ANKFN1: variants seen among roughly 807,000 people sequenced by gnomAD.
The protein encoded by ANKFN1 is ankyrin repeat and fibronectin type-III domain-containing protein 1.
In ANKFN1, 74 loss-of-function variants were observed where a neutral mutation model predicts 108.7. The observed-to-expected ratio is 0.68, with a 90% CI of 0.56 to 0.83. The LOEUF (loss-of-function observed/expected upper bound fraction) is 0.83. Among genes scored for constraint, ANKFN1 ranks in the 40% least tolerant of loss-of-function variants. The pLI is 0.00. For missense variants in ANKFN1, 1,505 were observed against 1,382.3 expected, an observed-to-expected ratio of 1.09 and a Z score of -1.41; for synonymous variants, 547 against 516.2, an observed-to-expected ratio of 1.06 and a Z score of -0.81.
chr17:56,208,405 C>T (rs1234063941), intron 1 of ANKFN1, among the ~76,000 whole-genome samples: 2 of 152,156 alleles, frequency 1.3e-5, no homozygotes, highest in Admixed American at 6.5e-5. Flanking sequence ...GGATTTTTAG[C>T]AGGCAGTAAC....
intron 8 of ANKFN1, among the ~76,000 whole-genome samples, chr17:56,394,872 C>T (rs577652235): frequency 5.3e-5 from 8 of 152,264 alleles, no homozygotes; most frequent in Non-Finnish European, 8.8e-5. Flanking sequence ...CAATAGTCCG[C>T]GACTGCTTTC....
intron 8 of ANKFN1, among the ~76,000 whole-genome samples, chr17:56,391,974 A>G (rs1202295893): frequency 6.6e-6 from 1 of 152,206 alleles, no homozygotes; most frequent in East Asian, 1.9e-4. Flanking sequence ...TATTCTAGGC[A>G]GCGGGGATGT....
intron 3 of ANKFN1, among the ~76,000 whole-genome samples, chr17:56,313,462 C>T (rs1481506177): frequency 1.3e-5 from 2 of 152,150 alleles, no homozygotes; most frequent in Admixed American, 1.3e-4. Context: ...GGGGAAGGAA[C>T]AGGTTCTTTT....
At chr17:56,111,870 C>T (rs140274418) in intron 4 of ANKFN1, among the ~76,000 whole-genome samples, 27 of 152,316 alleles carry the variant, frequency 1.8e-4, no homozygotes, top group African/African-American at 4.8e-4. Context: ...GAAATCATAA[C>T]GAGCAGAATG....
Position 56,354,020 on chromosome 17 carries a change from G to C in ANKFN1, c.575G>C (p.Arg192Thr). The stretch of plus-strand genomic sequence containing the variant: ...GTGCCCATTGCAAGGATTCTTCTGA[G>C]GACAGGGGCCCGAGAAAGTCCACAC... ...NNVPIARILL[R>T]TGARESPHFV... is the part of the protein sequence containing the mutation. The change falls in exon 6 of 21, where the codon AGG (arginine) becomes ACG (threonine). Residue 192 changes from arginine (R) to threonine (T), a missense_variant. Arg to Thr is a moderately conservative substitution (Grantham distance 71). Coordinates refer to ENST00000682825, the MANE Select transcript of ANKFN1 (RefSeq NM_001370326.1). 6.2e-7 allele frequency: 1 copy of C among 1,613,906 alleles called. No individual in the cohort carries two copies. Among genetic ancestry groups the C allele is most frequent in the South Asian group, 1.1e-5 (1 of 91,068 alleles).
intron 3 of ANKFN1, among the ~76,000 whole-genome samples, chr17:56,235,432 C>A (rs949325157): frequency 6.6e-6 from 1 of 152,146 alleles, no homozygotes. Context: ...TTTGTCCATT[C>A]CTATGTCCAC....
chr17:56,429,270 G>A (rs865862228), intron 8 of ANKFN1, among the ~76,000 whole-genome samples: 2 of 152,214 alleles, frequency 1.3e-5, no homozygotes, highest in Non-Finnish European at 2.9e-5. Context: ...AACTGAAAGG[G>A]CAGATGAAGC....
At chr17:56,492,462 C>T (rs368670827) in intron 19 of ANKFN1, 109 bp downstream of exon 19, 16 of 606,940 alleles carry the variant, frequency 2.6e-5, no homozygotes, top group Admixed American at 9.5e-5. Context: ...TCAAAGAACA[C>T]GGTGTGTAAG....
chr17:56,411,630 T>G (rs1420593288), intron 8 of ANKFN1, among the ~76,000 whole-genome samples: 2 of 152,202 alleles, frequency 1.3e-5, no homozygotes, highest in Non-Finnish European at 2.9e-5. Context: ...CGGCTTGTTG[T>G]GTATGGTCTT....
intron 8 of ANKFN1, among the ~76,000 whole-genome samples, chr17:56,399,347 C>A (rs1245466029): frequency 6.6e-6 from 1 of 151,864 alleles, no homozygotes. Context: ...AAAACTCAAC[C>A]TCACTTTTTA....
At chr17:56,364,778 C>T (rs2144734481) in intron 6 of ANKFN1, among the ~76,000 whole-genome samples, 1 of 152,324 alleles carries the variant, frequency 6.6e-6, no homozygotes, top group East Asian at 1.9e-4. Flanking sequence ...TTGCAGAGAA[C>T]ACTTCAGAGC....
At chr17:56,290,630 G>T (rs550043141) in intron 3 of ANKFN1, among the ~76,000 whole-genome samples, 1 of 152,126 alleles carries the variant, frequency 6.6e-6, no homozygotes, top group South Asian at 2.1e-4. Context: ...TAAGAGCCCA[G>T]TGAAGAGTTG....
intron 8 of ANKFN1, among the ~76,000 whole-genome samples, chr17:56,379,122 G>T (rs2047021308): frequency 6.6e-6 from 1 of 152,242 alleles, no homozygotes; most frequent in African/African-American, 2.4e-5. Flanking sequence ...GGTCAGGCCG[G>T]GCGCGGTGGT....
At chr17:56,197,473 C>G (rs1286878269) in intron 1 of ANKFN1, among the ~76,000 whole-genome samples, 4 of 152,152 alleles carry the variant, frequency 2.6e-5, no homozygotes, top group African/African-American at 9.7e-5. Context: ...GGAGGTGTCC[C>G]TAGTGTATTC....
chr17:56,313,937 C>A (rs1489070239), intron 3 of ANKFN1, among the ~76,000 whole-genome samples: 1 of 152,216 alleles, frequency 6.6e-6, no homozygotes, highest in East Asian at 1.9e-4. Context: ...ATCCCACCAA[C>A]CCAGTACAAC....
At chr17:56,279,566 G>A (rs978284930) in intron 3 of ANKFN1, among the ~76,000 whole-genome samples, 5 of 151,844 alleles carry the variant, frequency 3.3e-5, no homozygotes, top group South Asian at 4.1e-4. Context: ...CCTAATGCCT[G>A]TGTTTTTTCT....
intron 3 of ANKFN1, among the ~76,000 whole-genome samples, chr17:56,308,909 G>C (rs542156604): frequency 1.3e-5 from 2 of 152,252 alleles, no homozygotes; most frequent in East Asian, 3.9e-4. Context: ...CGCATCCATT[G>C]AATAAACACC....
chr17:56,500,057 T>C (rs1415834677), intron 20 of ANKFN1, among the ~76,000 whole-genome samples: 1 of 152,226 alleles, frequency 6.6e-6, no homozygotes, highest in Non-Finnish European at 1.5e-5. Flanking sequence ...CCCAGCTTTG[T>C]TTTACTAGCT....
At chr17:56,164,044 T>G (rs1436085336) in intron 1 of ANKFN1, among the ~76,000 whole-genome samples, 2 of 152,204 alleles carry the variant, frequency 1.3e-5, no homozygotes, top group Non-Finnish European at 2.9e-5. Context: ...TAATCCCCCA[T>G]GTGAGTCAAA....
Sources: allele counts gnomAD v4.1 joint callset (sites outside exome capture counted in the v4.1 genomes callset), GRCh38; gene constraint gnomAD v4.1.1; transcripts MANE v1.5; gene names NCBI Gene and HGNC (gene_info 2026-07-23, HGNC 2026-07-21).